NRIP1: variants seen among roughly 807,000 people sequenced by gnomAD.
The protein encoded by NRIP1 is nuclear receptor interacting protein 1.
A neutral mutation model predicts 75.0 loss-of-function variants in NRIP1; 28 were observed. The ratio of observed to expected loss-of-function variants is 0.37; its 90% CI spans 0.28 to 0.51. The LOEUF (loss-of-function observed/expected upper bound fraction) is 0.51, where lower values mean the gene tolerates loss of function less well. NRIP1 is among the 20% of genes least tolerant of loss of function. NRIP1 has a pLI of 0.92. For missense variants in NRIP1, 1,435 were observed against 1,343.7 expected (o/e 1.07, Z -1.06); for synonymous variants, 526 against 487.6 (o/e 1.08, Z -1.04).
chr21:15,006,413 G>A (rs1460722002), intron 3 of NRIP1, among the ~76,000 whole-genome samples: 1 of 152,102 alleles, frequency 6.6e-6, no homozygotes, highest in African/African-American at 2.4e-5. Flanking sequence ...AACAACAAAA[G>A]GAAAAAGGTG....
intron 3 of NRIP1, among the ~76,000 whole-genome samples, chr21:15,005,977 T>A (rs2087962488): frequency 6.6e-6 from 1 of 152,170 alleles, no homozygotes; most frequent in Non-Finnish European, 1.5e-5. Context: ...AGTCACAGGT[T>A]AAGACTAAAA....
intron 1 of NRIP1, among the ~76,000 whole-genome samples, chr21:15,060,111 T>C (rs2089392423): frequency 6.6e-6 from 1 of 152,164 alleles, no homozygotes; most frequent in Non-Finnish European, 1.5e-5. Flanking sequence ...GTTCATGATA[T>C]AGAGTATGTA....
At chr21:15,045,794 T>C (rs1479424614) in intron 1 of NRIP1, among the ~76,000 whole-genome samples, 1 of 152,264 alleles carries the variant, frequency 6.6e-6, no homozygotes, top group African/African-American at 2.4e-5. Context: ...CATGATATTC[T>C]AAATCCTTCG....
At chr21:15,040,160 C>A (rs776439969) in intron 2 of NRIP1, among the ~76,000 whole-genome samples, 2 of 151,964 alleles carry the variant, frequency 1.3e-5, no homozygotes, top group Admixed American at 6.6e-5. Flanking sequence ...GAGAGCTGTG[C>A]GTCAAAACAC....
At position 14,967,850 on chromosome 21, in the gene NRIP1, A is replaced by T. The variant is rs2086798567; in HGVS notation, c.343T>A (p.Leu115Met). 1 of 1,613,940 alleles carries T rather than the reference A, an allele frequency of 6.2e-7. No individual in the cohort carries two copies. The highest frequency in any genetic ancestry group is 8.5e-7 in the Non-Finnish European group (1 of 1,180,022). ...IMNLNVKKEA[L>M]LAGMVDSVPK... ...ACACTGTCAACCATGCCAGCTAGCAAAGCTTCCTTCTTTACGTTTAAATTC... is the reference window on the plus strand; with the variant it reads ...ACACTGTCAACCATGCCAGCTAGCATAGCTTCCTTCTTTACGTTTAAATTC... The change falls in exon 4 of 4, where the codon TTG (leucine) becomes ATG (methionine). Residue 115 changes from leucine (L) to methionine (M), a missense_variant. Transcript: ENST00000318948.
rs2086754090 is a variant in NRIP1, at chr21:14,966,641, T to C, written c.1552A>G (p.Ser518Gly). ...ACATCATTGTGTACTCCCTGAGGGCTGGTGTTTTTTTCTACATTTTCTTCA... is the reference window on the plus strand; with the variant it reads ...ACATCATTGTGTACTCCCTGAGGGCCGGTGTTTTTTTCTACATTTTCTTCA... ...KNEENVEKNT[S>G]PQGVHNDVSK... is the part of the protein sequence containing the mutation. The change falls in exon 4 of 4, where the codon AGC becomes GGC. Residue 518 changes from serine (S) to glycine (G), a missense_variant. Physicochemically the swap from Ser to Gly is moderately conservative, Grantham distance 56. Transcript: ENST00000318948. The C allele has an allele frequency of 5.0e-6, 8 of 1,614,140 alleles. No homozygotes were observed. The highest frequency in any genetic ancestry group is 2.2e-5 in the South Asian group (2 of 91,084).
intron 3 of NRIP1, among the ~76,000 whole-genome samples, chr21:14,973,168 A>G (rs970940841): frequency 6.6e-6 from 1 of 152,230 alleles, no homozygotes; most frequent in Non-Finnish European, 1.5e-5. Flanking sequence ...ATACTTGTTA[A>G]ATAACTTCTA....
intron 2 of NRIP1, among the ~76,000 whole-genome samples, chr21:15,030,843 T>C (rs1358143683): frequency 6.8e-6 from 1 of 147,460 alleles, no homozygotes; most frequent in Non-Finnish European, 1.5e-5. Context: ...TGGAAGGCGG[T>C]TGGAGGATCA....
At chr21:15,059,850 AC>A (rs1408234918) in intron 1 of NRIP1, among the ~76,000 whole-genome samples, 3 of 152,086 alleles carry the variant, frequency 2.0e-5, no homozygotes, top group South Asian at 2.1e-4. Context: ...TTCACATTAT[AC>A]TACTTTTAGA....
chr21:14,989,273 G>A (rs139643324), intron 3 of NRIP1, among the ~76,000 whole-genome samples: 188 of 152,216 alleles, frequency 1.2e-3, no homozygotes, highest in African/African-American at 4.2e-3. Context: ...TTTCAAATGG[G>A]GAAAGCTAAC....
chr21:15,035,466 C>G (rs567621322), intron 2 of NRIP1, among the ~76,000 whole-genome samples: 3 of 151,630 alleles, frequency 2.0e-5, no homozygotes, highest in Non-Finnish European at 4.4e-5. Flanking sequence ...ATTAAAGTAA[C>G]CAAGATGAAG....
chr21:14,970,501 G>A (rs751625536), intron 3 of NRIP1, among the ~76,000 whole-genome samples: 20 of 152,156 alleles, frequency 1.3e-4, no homozygotes, highest in Non-Finnish European at 2.5e-4. Flanking sequence ...AGCCGAGATC[G>A]TGCCACTGCA....
chr21:15,003,985 T>C (rs1166283426), intron 3 of NRIP1, among the ~76,000 whole-genome samples: 1 of 152,154 alleles, frequency 6.6e-6, no homozygotes, highest in East Asian at 1.9e-4. Flanking sequence ...TCCTCACATA[T>C]AGATTTCCCC....
chr21:14,975,614 A>T (rs1384840871), intron 3 of NRIP1, among the ~76,000 whole-genome samples: 1 of 112,984 alleles, frequency 8.9e-6, no homozygotes, highest in Non-Finnish European at 1.8e-5. Flanking sequence ...ACAGAATAAG[A>T]CACTATTTCT....
At chr21:14,997,392 C>T (rs1458676908) in intron 3 of NRIP1, among the ~76,000 whole-genome samples, 10 of 151,722 alleles carry the variant, frequency 6.6e-5, no homozygotes, top group African/African-American at 1.7e-4. Context: ...TTAATAAATT[C>T]GGTACAAATA....
intron 1 of NRIP1, among the ~76,000 whole-genome samples, chr21:15,048,503 A>T (rs2089136605): frequency 6.6e-6 from 1 of 152,198 alleles, no homozygotes; most frequent in Non-Finnish European, 1.5e-5. Context: ...ATCTCCTCAA[A>T]ATAGAGTTTA....
chr21:14,999,874 A>G (rs938353971), intron 3 of NRIP1, among the ~76,000 whole-genome samples: 2 of 152,242 alleles, frequency 1.3e-5, no homozygotes, highest in African/African-American at 4.8e-5. Context: ...TGTTTTCTCT[A>G]TAGTTTAATG....
At chr21:14,988,301 T>C (rs1406286353) in intron 3 of NRIP1, 1 of 152,168 alleles carries the variant, frequency 6.6e-6, no homozygotes, top group Non-Finnish European at 1.5e-5. Context: ...CAATGAATGT[T>C]AATTGTTTTA....
chr21:15,065,515 A>G (rs1181346919), upstream of NRIP1, among the ~76,000 whole-genome samples: 4 of 151,558 alleles, frequency 2.6e-5, no homozygotes, highest in African/African-American at 4.9e-5. Flanking sequence ...TTAAGCGTCT[A>G]CCTCCTCCCC....
Sources: allele counts gnomAD v4.1 joint callset (sites outside exome capture counted in the v4.1 genomes callset), GRCh38; gene constraint gnomAD v4.1.1; transcripts MANE v1.5; gene names NCBI Gene and HGNC (gene_info 2026-07-23, HGNC 2026-07-21).